Variants in UNC5D observed in about 807,000 individuals in gnomAD.
The protein encoded by UNC5D is netrin receptor UNC5D.
In UNC5D, 39 loss-of-function variants were observed where a neutral mutation model predicts 105.4. That is an observed-to-expected ratio of 0.37 (90% CI 0.29 to 0.48). UNC5D has a LOEUF of 0.48. Ranked by LOEUF, UNC5D falls within the 20% of genes least tolerant of loss-of-function variation. The pLI is 0.98. For missense variants in UNC5D, 991 were observed against 1,202.4 expected (o/e 0.82, Z 2.60); for synonymous variants, 452 against 450.4 (o/e 1.00, Z -0.04).
At chr8:35,597,169 G>A (rs1006825175) in intron 4 of UNC5D, among the ~76,000 whole-genome samples, 2 of 152,202 alleles carry the variant, frequency 1.3e-5, no homozygotes, top group Non-Finnish European at 2.9e-5. Flanking sequence ...TAGAAAGCAT[G>A]CTGGGTGGAC....
chr8:35,766,099 CCCT>C (rs567236289), intron 14 of UNC5D, among the ~76,000 whole-genome samples: 169 of 152,210 alleles, frequency 1.1e-3, no homozygotes, highest in African/African-American at 4.0e-3. Flanking sequence ...TTTATCATTT[CCCT>C]CCTCATTTAC....
rs975629566 is a variant in UNC5D, at chr8:35,422,761, T to C, written c.104-126531T>C. Among the ~76,000 whole-genome samples, 4 of 152,214 alleles carry C rather than the reference T, an allele frequency of 2.6e-5. No individual in the cohort carries two copies. The East Asian group carries it at 7.7e-4, about 29-fold the overall frequency. ...GCCAGGTAGTAGGGAAATAATTCCA[T>C]TTAATTTACACAACAACCATGTGAG... On this transcript the variant is annotated intron_variant, in intron 1 of 16. Coordinates refer to ENST00000404895, the MANE Select transcript of UNC5D (RefSeq NM_080872.4).
rs999506774 is a variant in UNC5D at position 35,358,149 on chromosome 8, A to G, written c.103+122262A>G. ...TGACCCAGCAATCCCATTACTGGGT[A>G]TATACCCAAAGGAATATAATTCATT... On this transcript the variant is annotated intron_variant, in intron 1 of 16. Coordinates refer to ENST00000404895, the MANE Select transcript of UNC5D (RefSeq NM_080872.4). Among the ~76,000 whole-genome samples the G allele has an allele frequency of 2.0e-5, 3 of 152,186 alleles. No individual in the cohort carries two copies. In the East Asian group the frequency reaches 5.8e-4, roughly 29 times the overall value.
chr8:35,396,067 A>G (rs1804078052), intron 1 of UNC5D, among the ~76,000 whole-genome samples: 1 of 152,232 alleles, frequency 6.6e-6, no homozygotes, highest in Non-Finnish European at 1.5e-5. Context: ...TTTAGTAAGT[A>G]TTAGACTAAC....
At chr8:35,785,057 A>C (rs1429876447) in intron 16 of UNC5D, among the ~76,000 whole-genome samples, 1 of 145,018 alleles carries the variant, frequency 6.9e-6, no homozygotes, top group African/African-American at 2.6e-5. Flanking sequence ...TGGTTCCATT[A>C]AAAAAAAAAA....
intron 15 of UNC5D, 119 bp downstream of exon 15, chr8:35,767,185 T>G: frequency 8.5e-7 from 1 of 1,175,114 alleles, no homozygotes; most frequent in Non-Finnish European, 1.2e-6. Context: ...GCACAAACTC[T>G]TCATCTTCAT....
chr8:35,275,124 ATT>A lies in UNC5D; in HGVS notation c.103+39241_103+39242del, dbSNP rs980210173. On this transcript the variant is annotated intron_variant, in intron 1 of 16. Coordinates refer to ENST00000404895, the MANE Select transcript of UNC5D (RefSeq NM_080872.4). ...AAAACAAAACAACAACAAAATATATATTTTTATATATATATATATTTATGAAA... is the reference window on the plus strand; with the variant it reads ...AAAACAAAACAACAACAAAATATATATTTATATATATATATATTTATGAAA... Among the ~76,000 whole-genome samples, 200 of 148,328 alleles carry A rather than the reference ATT, an allele frequency of 1.3e-3. 1 individual carries two copies. The highest frequency in any genetic ancestry group is 4.4e-3 in the Admixed American group (65 of 14,788).
At chr8:35,680,867 C>T (rs1343943910) in intron 4 of UNC5D, among the ~76,000 whole-genome samples, 1 of 152,150 alleles carries the variant, frequency 6.6e-6, no homozygotes, top group African/African-American at 2.4e-5. Context: ...AAGAGGACAG[C>T]TGAGCGGGGA....
intron 1 of UNC5D, among the ~76,000 whole-genome samples, chr8:35,273,848 A>G (rs1805589048): frequency 6.6e-6 from 1 of 152,230 alleles, no homozygotes; most frequent in Non-Finnish European, 1.5e-5. Context: ...TTTGTTAACT[A>G]TAAATTTAAC....
intron 3 of UNC5D, among the ~76,000 whole-genome samples, chr8:35,587,648 A>G (rs28674529): frequency 0.012 from 1,851 of 152,192 alleles, 50 homozygotes; most frequent in African/African-American, 0.043. Context: ...AGTTTGAAGG[A>G]TATGATCTTC....
At chr8:35,305,562 C>CTTTCTTTCT (rs1563297514) in intron 1 of UNC5D, among the ~76,000 whole-genome samples, 2 of 63,234 alleles carry the variant, frequency 3.2e-5, no homozygotes, top group Non-Finnish European at 6.2e-5. Flanking sequence ...TCTCTTCCTT[C>CTTTCTTTCT]CTTTCTTTCT....
intron 1 of UNC5D, among the ~76,000 whole-genome samples, chr8:35,504,467 A>G (rs1812181912): frequency 6.6e-6 from 1 of 152,204 alleles, no homozygotes. Context: ...CTTCAAGCTA[A>G]TAACTTGCTT....
intron 1 of UNC5D, among the ~76,000 whole-genome samples, chr8:35,328,699 A>G (rs1212646835): frequency 6.6e-6 from 1 of 152,140 alleles, no homozygotes; most frequent in East Asian, 1.9e-4. Context: ...CAGACATCAC[A>G]TATAAACTTA....
intron 4 of UNC5D, among the ~76,000 whole-genome samples, chr8:35,647,445 A>G (rs7829550): frequency 0.94 from 143,641 of 152,040 alleles, 67,873 homozygotes; most frequent in East Asian, 0.99. Flanking sequence ...GTACAATTAT[A>G]TGTCTTTAGG....
chr8:35,759,980 A>AAGAT (rs1248216049), intron 14 of UNC5D, among the ~76,000 whole-genome samples: 1 of 152,116 alleles, frequency 6.6e-6, no homozygotes, highest in Non-Finnish European at 1.5e-5. Flanking sequence ...TGAATCAGGC[A>AAGAT]AGATGGGAAG....
At chr8:35,296,540 C>T (rs1335407592) in intron 1 of UNC5D, among the ~76,000 whole-genome samples, 1 of 152,110 alleles carries the variant, frequency 6.6e-6, no homozygotes, top group Non-Finnish European at 1.5e-5. Flanking sequence ...CTGCCTCTGC[C>T]TCCTGAGTAG....
intron 1 of UNC5D, among the ~76,000 whole-genome samples, chr8:35,401,357 G>A (rs1804449989): frequency 1.3e-5 from 2 of 152,086 alleles, no homozygotes; most frequent in South Asian, 4.1e-4. Context: ...AGTGGCACAT[G>A]CTTGTAATCT....
chr8:35,433,006 A>T (rs1488955749), intron 1 of UNC5D, among the ~76,000 whole-genome samples: 1 of 152,238 alleles, frequency 6.6e-6, no homozygotes, highest in Non-Finnish European at 1.5e-5. Flanking sequence ...TGTCGTAAAC[A>T]TAATTATATC....
At chr8:35,623,311 GCTGAGTAAAATCTCTAT>G (rs1258597495) in intron 4 of UNC5D, among the ~76,000 whole-genome samples, 1 of 152,038 alleles carries the variant, frequency 6.6e-6, no homozygotes, top group Non-Finnish European at 1.5e-5. Flanking sequence ...ACTTTCTTTG[GCTGAGTAAAATCTCTAT>G]TACTTTGGGC....
Sources: gnomAD v4.1 joint callset for allele counts (sites outside exome capture counted in the v4.1 genomes callset) on GRCh38, gnomAD v4.1.1 for gene constraint, MANE v1.5 for transcripts, NCBI Gene and HGNC (gene_info 2026-07-23, HGNC 2026-07-21) for gene names.